Variants in COMMD10 observed in about 807,000 individuals in gnomAD.
The protein encoded by COMMD10 is COMM domain-containing protein 10.
In COMMD10, 33 loss-of-function variants were observed where a neutral mutation model predicts 28.9. The ratio of observed to expected loss-of-function variants is 1.14; its 90% CI spans 0.87 to 1.53. The LOEUF is 1.53. Among genes scored for constraint, COMMD10 ranks in the 40% most tolerant of loss-of-function variants. COMMD10 has a pLI of 0.00. For synonymous variants in COMMD10, 110 were observed against 81.7 expected (o/e 1.35, Z -1.87); for missense variants, 310 against 233.4 (o/e 1.33, Z -2.14).
At chr5:116,265,687 G>T (rs1193447476) in intron 5 of COMMD10, among the ~76,000 whole-genome samples, 1 of 151,792 alleles carries the variant, frequency 6.6e-6, no homozygotes, top group Non-Finnish European at 1.5e-5. Context: ...GCAAACACTT[G>T]CAATAAGTCC....
chr5:116,127,717 G>A (rs900060349), intron 4 of COMMD10, among the ~76,000 whole-genome samples: 3 of 152,080 alleles, frequency 2.0e-5, no homozygotes, highest in Admixed American at 6.6e-5. Flanking sequence ...ATAGGTGGGA[G>A]TTGAACAATG....
Position 116,087,606 on chromosome 5 carries a change from C to A in COMMD10, c.132+19C>A, listed in dbSNP as rs751104947. ...CCTGAAGGTTTGTATTTGTGTGTTT[C>A]CATGCCTTGTAATCTTCCTTCTGAT... On this transcript the variant is annotated intron_variant, in intron 2 of 6. Transcript: ENST00000274458. 3.3e-5 allele frequency: 49 copies of A among 1,496,488 alleles called. 1 individual carries two copies. In the East Asian group the frequency reaches 5.4e-4, roughly 17 times the overall value. 92.7% of individuals were successfully genotyped at this position (1,496,488 alleles called of 1,614,324 possible). A position where few individuals can be genotyped will look rare whatever the true frequency, so the allele number is the denominator to read the frequency against.
At chr5:116,225,524 G>C (rs899611162) in intron 5 of COMMD10, among the ~76,000 whole-genome samples, 1 of 151,882 alleles carries the variant, frequency 6.6e-6, no homozygotes, top group African/African-American at 2.4e-5. Context: ...TCTCCTGTGA[G>C]GTATTCAGCT....
intron 5 of COMMD10, among the ~76,000 whole-genome samples, chr5:116,211,021 G>A (rs1748949918): frequency 6.6e-6 from 1 of 151,954 alleles, no homozygotes; most frequent in African/African-American, 2.4e-5. Context: ...TTTTATTAAT[G>A]CTTGGTATAT....
rs1456824797 is a variant in COMMD10 at position 116,145,602 on chromosome 5, G to C, written c.510+11424G>C. On this transcript the variant is annotated intron_variant, in intron 5 of 6. Transcript: ENST00000274458. ...ATGCTGGAACCTAGCCATACTCTCTGATGTGGTTAGGCTTTGTGTCTGCAC... is the reference window on the plus strand; with the variant it reads ...ATGCTGGAACCTAGCCATACTCTCTCATGTGGTTAGGCTTTGTGTCTGCAC... Among the ~76,000 whole-genome samples, 3 of 151,810 alleles carry C rather than the reference G, an allele frequency of 2.0e-5. No homozygotes were observed. The South Asian group carries it at 6.2e-4, about 32-fold the overall frequency.
intron 5 of COMMD10, among the ~76,000 whole-genome samples, chr5:116,207,752 C>A (rs1748851740): frequency 1.3e-5 from 2 of 152,142 alleles, no homozygotes; most frequent in Non-Finnish European, 2.9e-5. Flanking sequence ...TCTCTAACTC[C>A]CAGTGATCCA....
At chr5:116,260,281 ATTTATT>A (rs151025652) in intron 5 of COMMD10, among the ~76,000 whole-genome samples, 3,196 of 151,968 alleles carry the variant, frequency 0.021, 86 homozygotes, top group Non-Finnish European at 0.029. Context: ...TAGAAAGGAC[ATTTATT>A]TAGCATTAGC....
At chr5:116,267,601 T>G (rs575082019) in intron 5 of COMMD10, among the ~76,000 whole-genome samples, 130 of 151,940 alleles carry the variant, frequency 8.6e-4, no homozygotes, top group Admixed American at 2.2e-3. Context: ...AAAACTACTT[T>G]AAAGTTCATA....
intron 5 of COMMD10, among the ~76,000 whole-genome samples, chr5:116,198,367 CTT>C (rs1748583183): frequency 6.6e-6 from 1 of 152,016 alleles, no homozygotes; most frequent in African/African-American, 2.4e-5. Flanking sequence ...AAATAATAAA[CTT>C]TATTTTTCAG....
intron 5 of COMMD10, among the ~76,000 whole-genome samples, chr5:116,266,696 A>G (rs1401358069): frequency 6.6e-6 from 1 of 151,836 alleles, no homozygotes; most frequent in Non-Finnish European, 1.5e-5. Flanking sequence ...AAAAATCCTC[A>G]ATAAAACACT....
chr5:116,166,413 A>G (rs906805514), intron 5 of COMMD10, among the ~76,000 whole-genome samples: 3 of 152,154 alleles, frequency 2.0e-5, no homozygotes, highest in African/African-American at 7.2e-5. Flanking sequence ...GGCAAGTTTT[A>G]TTTGCACCAT....
chr5:116,152,611 T>C (rs1295920428), intron 5 of COMMD10, among the ~76,000 whole-genome samples: 3 of 152,138 alleles, frequency 2.0e-5, no homozygotes. Flanking sequence ...AATGGTGTTA[T>C]TTAATTGTCA....
chr5:116,199,630 T>A (rs1007839118), intron 5 of COMMD10, among the ~76,000 whole-genome samples: 2 of 152,212 alleles, frequency 1.3e-5, no homozygotes, highest in African/African-American at 4.8e-5. Flanking sequence ...GCTCCCTCTT[T>A]ATGTAGATCT....
intron 5 of COMMD10, among the ~76,000 whole-genome samples, chr5:116,288,509 A>AT (rs1333875157): frequency 1.3e-5 from 2 of 151,628 alleles, no homozygotes; most frequent in African/African-American, 2.4e-5. Flanking sequence ...GTTTTCAGCC[A>AT]TTTTTTCTTC....
intron 5 of COMMD10, among the ~76,000 whole-genome samples, chr5:116,145,573 A>C (rs997921930): frequency 1.3e-5 from 2 of 151,780 alleles, no homozygotes; most frequent in East Asian, 3.9e-4. Context: ...AACTATCTAG[A>C]AATATGCTGG....
In COMMD10 at chr5:116,293,249, TA is replaced by T. The variant is rs770894963; in HGVS notation, c.*761del. 9 of 359,816 alleles carry T rather than the reference TA, an allele frequency of 2.5e-5. No homozygotes were observed. The highest frequency in any genetic ancestry group is 1.5e-4 in the South Asian group (1 of 6,686). 22.3% of individuals were successfully genotyped at this position (359,816 alleles called of 1,614,324 possible). ...ACCTTTTATATTCTCTTTCCATAAA[TA>T]CGTTGATTTCTGTCAATAAAATTTT... On this transcript the variant is annotated 3_prime_UTR_variant, in exon 7 of 7. Coordinates refer to ENST00000274458, the MANE Select transcript of COMMD10 (RefSeq NM_016144.4).
Position 116,087,536 on chromosome 5 carries a change from A to T in COMMD10, c.81A>T (p.Thr27=). 6.2e-7 allele frequency: 1 copy of T among 1,613,014 alleles called. No individual in the cohort carries two copies. Among genetic ancestry groups the T allele is most frequent in the Non-Finnish European group, 8.5e-7 (1 of 1,178,924 alleles). ...TGTCACTGATAAATGCAATAGATAC[A>T]GGAAGATTTCCACGGTTGCTCACTC... ...KAVSLINAID[T]GRFPRLLTRI... Residue 27 remains threonine, a synonymous_variant, in exon 2 of 7, where the codon ACA becomes ACT. Coordinates refer to ENST00000274458, the MANE Select transcript of COMMD10 (RefSeq NM_016144.4).
At chr5:116,193,172 G>A (rs1488261130) in intron 5 of COMMD10, among the ~76,000 whole-genome samples, 3 of 152,144 alleles carry the variant, frequency 2.0e-5, no homozygotes, top group East Asian at 3.8e-4. Flanking sequence ...TCTAAATCTT[G>A]AAACAAATCC....
intron 5 of COMMD10, among the ~76,000 whole-genome samples, chr5:116,277,196 A>T (rs1750940423): frequency 6.6e-6 from 1 of 151,920 alleles, no homozygotes; most frequent in African/African-American, 2.4e-5. Flanking sequence ...AGTAGTACAC[A>T]ATAGACATAT....
Sources: allele counts gnomAD v4.1 joint callset (sites outside exome capture counted in the v4.1 genomes callset), GRCh38; gene constraint gnomAD v4.1.1; transcripts MANE v1.5; gene names NCBI Gene and HGNC (gene_info 2026-07-23, HGNC 2026-07-21).